The following FOXP2 variants were observed in gnomAD, a reference collection of about 807,000 sequenced individuals.
FOXP2 encodes the protein forkhead box P2.
In FOXP2, 12 loss-of-function variants were observed where a neutral mutation model predicts 115.8. The observed-to-expected ratio is 0.10, with a 90% CI of 0.07 to 0.17. FOXP2 has a LOEUF of 0.17. FOXP2 is among the 10% of genes least tolerant of loss of function. The pLI is 1.00. For missense variants in FOXP2, 629 were observed against 843.5 expected (o/e 0.75, Z 3.15); for synonymous variants, 328 against 297.7 (o/e 1.10, Z -1.05).
At chr7:114,391,294 G>A (rs532218107) in intron 2 of FOXP2, among the ~76,000 whole-genome samples, 2 of 152,254 alleles carry the variant, frequency 1.3e-5, no homozygotes, top group African/African-American at 4.8e-5. Flanking sequence ...GCATGCATCT[G>A]CTAATGTGTC....
intron 6 of FOXP2, among the ~76,000 whole-genome samples, chr7:114,640,027 G>C (rs924637717): frequency 5.3e-5 from 8 of 152,102 alleles, no homozygotes; most frequent in African/African-American, 1.9e-4. Flanking sequence ...AAGACAGTTG[G>C]AAGGCTATAG....
chr7:114,396,846 C>T (rs1171811375), intron 2 of FOXP2, among the ~76,000 whole-genome samples: 1 of 151,856 alleles, frequency 6.6e-6, no homozygotes, highest in Non-Finnish European at 1.5e-5. Flanking sequence ...AGTGATTTTA[C>T]CACAAAATGA....
chr7:114,470,732 C>T (rs900362136), intron 2 of FOXP2, among the ~76,000 whole-genome samples: 35 of 152,110 alleles, frequency 2.3e-4, no homozygotes, highest in African/African-American at 8.0e-4. Flanking sequence ...TTATACCCAA[C>T]ACATTTTGTC....
chr7:114,358,534 G>A (rs529623778), intron 2 of FOXP2, among the ~76,000 whole-genome samples: 2 of 152,270 alleles, frequency 1.3e-5, no homozygotes, highest in East Asian at 3.9e-4. Context: ...GGGCTCAGAA[G>A]ACAGGGAAAG....
At chr7:114,359,145 C>T (rs1791686370) in intron 2 of FOXP2, among the ~76,000 whole-genome samples, 1 of 152,162 alleles carries the variant, frequency 6.6e-6, no homozygotes, top group Admixed American at 6.6e-5. Context: ...ACTTGTGTCC[C>T]AGCCATGGGT....
At chr7:114,329,128 G>GT (rs1280574160) in intron 2 of FOXP2, among the ~76,000 whole-genome samples, 2 of 152,130 alleles carry the variant, frequency 1.3e-5, no homozygotes, top group Non-Finnish European at 2.9e-5. Context: ...ATTGAATGCT[G>GT]TTTGCCTTTA....
intron 2 of FOXP2, among the ~76,000 whole-genome samples, chr7:114,434,693 G>T (rs969680080): frequency 6.6e-6 from 1 of 151,878 alleles, no homozygotes; most frequent in Non-Finnish European, 1.5e-5. Context: ...AAATTAGGAG[G>T]TATAAAACAG....
chr7:114,122,155 A>AT (rs1791583400), intron 1 of FOXP2, among the ~76,000 whole-genome samples: 3 of 150,544 alleles, frequency 2.0e-5, no homozygotes, highest in Admixed American at 6.6e-5. Context: ...GGCATAAAAC[A>AT]CTTAAGCCAT....
chr7:114,424,416 A>G (rs566557684), intron 1 of FOXP2, among the ~76,000 whole-genome samples: 1 of 151,542 alleles, frequency 6.6e-6, no homozygotes, highest in East Asian at 1.9e-4. Flanking sequence ...ACACATATAT[A>G]CACATATTCC....
intron 2 of FOXP2, among the ~76,000 whole-genome samples, chr7:114,331,826 A>G (rs1392139700): frequency 6.6e-6 from 1 of 151,616 alleles, no homozygotes; most frequent in East Asian, 1.9e-4. Flanking sequence ...TTGTATTTTT[A>G]CTATAGATGG....
intron 8 of FOXP2, 141 bp from the exon 9 acceptor site, chr7:114,652,055 CTTTAACT>C: frequency 1.4e-6 from 1 of 725,522 alleles, no homozygotes. Context: ...ACGTAAGCAG[CTTTAACT>C]TTTATCTGTA....
At chr7:114,624,862 T>G (rs1471518333) in intron 3 of FOXP2, among the ~76,000 whole-genome samples, 1 of 151,550 alleles carries the variant, frequency 6.6e-6, no homozygotes, top group Non-Finnish European at 1.5e-5. Flanking sequence ...TTAATATCAC[T>G]TATTAATAAT....
chr7:114,319,426 G>A (rs909324548), intron 2 of FOXP2, among the ~76,000 whole-genome samples: 1 of 152,218 alleles, frequency 6.6e-6, no homozygotes, highest in Non-Finnish European at 1.5e-5. Context: ...ATTTGAGCCT[G>A]GGCAATTTAC....
At chr7:114,122,411 T>G (rs1791589871) in intron 1 of FOXP2, among the ~76,000 whole-genome samples, 1 of 151,774 alleles carries the variant, frequency 6.6e-6, no homozygotes, top group Non-Finnish European at 1.5e-5. Flanking sequence ...TTTTTTTTTT[T>G]TCCTTTTTTT....
chr7:114,684,429 A>G (rs1012717028), intron 16 of FOXP2, among the ~76,000 whole-genome samples: 1 of 152,184 alleles, frequency 6.6e-6, no homozygotes, highest in African/African-American at 2.4e-5. Context: ...ATCTAAAACT[A>G]TGGGATGCCC....
chr7:114,500,143 G>A (rs1178357387), intron 2 of FOXP2, among the ~76,000 whole-genome samples: 1 of 150,400 alleles, frequency 6.6e-6, no homozygotes, highest in Non-Finnish European at 1.5e-5. Flanking sequence ...GTGAACCCAG[G>A]AGGCGGAGCT....
At chr7:114,656,552 A>G (rs1283663762) in intron 10 of FOXP2, 1 of 440,420 alleles carries the variant, frequency 2.3e-6, no homozygotes, top group African/African-American at 2.0e-5. Flanking sequence ...TTGTAAATGT[A>G]TTAAATGCAG....
chr7:114,265,372 T>A (rs535266031), intron 1 of FOXP2, among the ~76,000 whole-genome samples: 1 of 152,160 alleles, frequency 6.6e-6, no homozygotes, highest in African/African-American at 2.4e-5. Flanking sequence ...TCCAAAATAA[T>A]CTCCTTTGAC....
At chr7:114,113,835 C>G (rs1431873276) in intron 1 of FOXP2, among the ~76,000 whole-genome samples, 3 of 151,988 alleles carry the variant, frequency 2.0e-5, no homozygotes, top group Non-Finnish European at 4.4e-5. Context: ...AAAGCAGTGA[C>G]AGTTAAAAGC....
Sources: gnomAD v4.1 joint callset for allele counts (sites outside exome capture counted in the v4.1 genomes callset) on GRCh38, gnomAD v4.1.1 for gene constraint, MANE v1.5 for transcripts, NCBI Gene and HGNC (gene_info 2026-07-23, HGNC 2026-07-21) for gene names.